ENOX2: variants seen among roughly 807,000 people sequenced by gnomAD.
The protein encoded by ENOX2 is APK1 antigen.
In ENOX2, 36 loss-of-function variants were observed where a neutral mutation model predicts 45.0. That is an observed-to-expected ratio of 0.80 (90% CI 0.61 to 1.06). The LOEUF (loss-of-function observed/expected upper bound fraction) is 1.06, where lower values mean the gene tolerates loss of function less well. ENOX2 is among the 50% of genes least tolerant of loss of function. The pLI is 0.00. For synonymous variants in ENOX2, 174 were observed against 152.3 expected (o/e 1.14, Z -1.05); for missense variants, 423 against 462.5 (o/e 0.91, Z 0.78).
chrX:130,750,957 G>T (rs2039206036), intron 3 of ENOX2, among the ~76,000 whole-genome samples: 1 of 111,045 alleles, frequency 9.0e-6, no homozygotes, highest in South Asian at 3.9e-4. Flanking sequence ...CTGCCTACCT[G>T]TCTGGGTATC....
At chrX:130,726,816 C>T (rs2038617798) in intron 3 of ENOX2, among the ~76,000 whole-genome samples, 1 of 112,187 alleles carries the variant, frequency 8.9e-6, no homozygotes, top group Non-Finnish European at 1.9e-5. Context: ...AATTGTGTAA[C>T]TACTAAGGAA....
intron 3 of ENOX2, among the ~76,000 whole-genome samples, chrX:130,746,198 C>T (rs1362590721): frequency 8.9e-6 from 1 of 112,085 alleles, no homozygotes; most frequent in Non-Finnish European, 1.9e-5. Context: ...TTAAGCTTCC[C>T]GTTAATGAGC....
Position 130,641,742 on chromosome X carries a change from G to A in ENOX2, c.1130-4332C>T, listed in dbSNP as rs5977332. ...CCAAAAAAAAAAAAAAAAAAAAAAA[G>A]AGAGAATTATGCTAAATCTACTCTT... On this transcript the variant is annotated intron_variant, in intron 10 of 14. Transcript: ENST00000394363. Among the ~76,000 whole-genome samples, 885 of 88,606 alleles carry A rather than the reference G, an allele frequency of 1.0e-2. 12 individuals are homozygous for A. The highest frequency in any genetic ancestry group is 0.035 in the African/African-American group (833 of 23,750). The allele number at this position is 88,606 out of a possible 115,157, so 76.9% of individuals were successfully genotyped here.
intron 4 of ENOX2, among the ~76,000 whole-genome samples, chrX:130,697,255 G>C (rs1276163743): frequency 1.8e-5 from 2 of 111,267 alleles, no homozygotes; most frequent in Non-Finnish European, 3.8e-5. Flanking sequence ...CCTCTTTTGT[G>C]AACCTTCTCT....
intron 3 of ENOX2, among the ~76,000 whole-genome samples, chrX:130,780,261 T>C (rs950106512): frequency 1.8e-5 from 2 of 112,043 alleles, no homozygotes; most frequent in Non-Finnish European, 3.8e-5. Context: ...TTCTTACCTA[T>C]TTATTTCCAC....
chrX:130,756,430 T>A (rs1292632243), intron 3 of ENOX2, among the ~76,000 whole-genome samples: 2 of 112,215 alleles, frequency 1.8e-5, no homozygotes, highest in African/African-American at 6.5e-5. Flanking sequence ...TGCCTCAGAA[T>A]GGACGTTGCT....
In ENOX2 at chrX:130,622,717, T is replaced by C. The variant is rs1248844672; in HGVS notation, c.*2597A>G. Among the ~76,000 whole-genome samples, 1 of 112,225 alleles carries C rather than the reference T, an allele frequency of 8.9e-6. No homozygotes were observed. ...CAGCTTCATTAATAGATTTCTATGATGGATGAAAAGGTTTGTGAGAGATGG... is the reference window on the plus strand; with the variant it reads ...CAGCTTCATTAATAGATTTCTATGACGGATGAAAAGGTTTGTGAGAGATGG... On this transcript the variant is annotated 3_prime_UTR_variant, in exon 15 of 15. Coordinates refer to ENST00000394363, the MANE Select transcript of ENOX2 (RefSeq NM_006375.4).
chrX:130,750,910 A>C (rs899126898), intron 3 of ENOX2, among the ~76,000 whole-genome samples: 17 of 109,023 alleles, frequency 1.6e-4, no homozygotes, highest in African/African-American at 3.7e-4. Context: ...TTCTATCCAT[A>C]TCTCTCTCAT....
At chrX:130,726,052 C>T (rs760171465) in intron 3 of ENOX2, among the ~76,000 whole-genome samples, 25 of 111,987 alleles carry the variant, frequency 2.2e-4, no homozygotes, top group Non-Finnish European at 3.9e-4. Flanking sequence ...CCAGGAACAT[C>T]GTATATACCT....
intron 2 of ENOX2, among the ~76,000 whole-genome samples, chrX:130,852,370 C>T (rs771102785): frequency 8.9e-6 from 1 of 112,157 alleles, no homozygotes; most frequent in Non-Finnish European, 1.9e-5. Context: ...GAACAAAACA[C>T]AGCCCATGCA....
chrX:130,828,812 C>T (rs1456933168), intron 2 of ENOX2, among the ~76,000 whole-genome samples: 2 of 111,389 alleles, frequency 1.8e-5, no homozygotes, highest in Admixed American at 9.5e-5. Flanking sequence ...GAATGGCCAA[C>T]GTCCTGGGAT....
intron 2 of ENOX2, among the ~76,000 whole-genome samples, chrX:130,886,503 C>A (rs1030165352): frequency 5.4e-5 from 6 of 112,082 alleles, no homozygotes; most frequent in African/African-American, 1.9e-4. Context: ...TTCGCCCATA[C>A]CTGATCAGAA....
At chrX:130,631,415 T>C (rs1043415092) in intron 13 of ENOX2, 53 bp downstream of exon 13, 1 of 666,440 alleles carries the variant, frequency 1.5e-6, no homozygotes, top group African/African-American at 2.1e-5. Flanking sequence ...AGCCCTCCTC[T>C]CCTCCATTGT....
At chrX:130,829,949 A>G (rs935298191) in intron 2 of ENOX2, among the ~76,000 whole-genome samples, 9 of 111,843 alleles carry the variant, frequency 8.0e-5, no homozygotes, top group Non-Finnish European at 5.6e-5. Context: ...AGTTAAGAAG[A>G]ACCTTAAAGA....
intron 2 of ENOX2, among the ~76,000 whole-genome samples, chrX:130,796,271 G>A (rs2077125544): frequency 9.0e-6 from 1 of 111,407 alleles, no homozygotes; most frequent in Non-Finnish European, 1.9e-5. Flanking sequence ...GAGAAGAGAG[G>A]AGTCTGAGAT....
chrX:130,649,250 T>G (rs2036335209), intron 10 of ENOX2, among the ~76,000 whole-genome samples: 1 of 107,705 alleles, frequency 9.3e-6, no homozygotes, highest in Non-Finnish European at 1.9e-5. Flanking sequence ...AAACCTTTTT[T>G]CTTTATAAAT....
intron 3 of ENOX2, among the ~76,000 whole-genome samples, chrX:130,736,041 T>C (rs1324977881): frequency 2.7e-5 from 3 of 111,796 alleles, no homozygotes; most frequent in Non-Finnish European, 5.6e-5. Flanking sequence ...TTTTAAGCAG[T>C]AGGCACAGTA....
chrX:130,699,875 G>C (rs2037854570), intron 4 of ENOX2, among the ~76,000 whole-genome samples: 1 of 112,245 alleles, frequency 8.9e-6, no homozygotes, highest in Non-Finnish European at 1.9e-5. Flanking sequence ...GTAAAGATGA[G>C]TCATAATTCA....
intron 3 of ENOX2, among the ~76,000 whole-genome samples, chrX:130,768,441 T>C (rs1420638850): frequency 8.9e-6 from 1 of 112,064 alleles, no homozygotes; most frequent in Non-Finnish European, 1.9e-5. Context: ...GCATGTTGGT[T>C]GAGAATCACT....
Sources: gnomAD v4.1 joint callset for allele counts (sites outside exome capture counted in the v4.1 genomes callset) on GRCh38, gnomAD v4.1.1 for gene constraint, MANE v1.5 for transcripts, NCBI Gene and HGNC (gene_info 2026-07-23, HGNC 2026-07-21) for gene names.